Variants in ANK2 observed in about 807,000 individuals in gnomAD.
ANK2 encodes the protein ankyrin 2, also known as ankyrin-2.
ANK2 carries 83 observed loss-of-function variants against 360.5 expected under a neutral mutation model. That is an observed-to-expected ratio of 0.23 (90% CI 0.19 to 0.28). The LOEUF (loss-of-function observed/expected upper bound fraction) is 0.28. Ranked by LOEUF, ANK2 falls within the 10% of genes least tolerant of loss-of-function variation. ANK2 has a pLI of 1.00. For missense variants in ANK2, 4,201 were observed against 4,795.7 expected, an observed-to-expected ratio of 0.88 and a Z score of 3.66; for synonymous variants, 1,740 against 1,759.5, an observed-to-expected ratio of 0.99 and a Z score of 0.28.
At chr4:113,085,748 G>T (rs556463099) in intron 1 of ANK2, among the ~76,000 whole-genome samples, 1 of 152,280 alleles carries the variant, frequency 6.6e-6, no homozygotes, top group African/African-American at 2.4e-5. Context: ...AACCTGGCTG[G>T]GAACACATGC....
intron 1 of ANK2, among the ~76,000 whole-genome samples, chr4:112,858,603 C>T (rs943165043): frequency 4.6e-5 from 7 of 152,268 alleles, no homozygotes; most frequent in African/African-American, 1.4e-4. Flanking sequence ...TCTTCGCATT[C>T]TTAGTTCATG....
intron 4 of ANK2, chr4:113,214,478 C>A: frequency 1.5e-6 from 1 of 655,034 alleles, no homozygotes; most frequent in East Asian, 2.9e-5. Flanking sequence ...CTGGAAAAAT[C>A]TACAAATCAA....
At chr4:113,221,584 G>A (rs767458765) in intron 4 of ANK2, among the ~76,000 whole-genome samples, 2 of 151,850 alleles carry the variant, frequency 1.3e-5, no homozygotes, top group East Asian at 1.9e-4. Context: ...GCTTGAACCC[G>A]GGAGGCGGAG....
At chr4:113,069,406 A>G (rs1554091132) in intron 1 of ANK2, among the ~76,000 whole-genome samples, 1 of 152,234 alleles carries the variant, frequency 6.6e-6, no homozygotes, top group Non-Finnish European at 1.5e-5. Context: ...ACAGTGTGCA[A>G]TAGCAACCCT....
At chr4:113,039,815 T>C (rs1156836412) in intron 2 of ANK2, among the ~76,000 whole-genome samples, 1 of 152,012 alleles carries the variant, frequency 6.6e-6, no homozygotes, top group Non-Finnish European at 1.5e-5. Context: ...GGATTCTTTG[T>C]CTTCTTGTAA....
intron 4 of ANK2, among the ~76,000 whole-genome samples, chr4:113,219,277 C>T (rs1159131095): frequency 1.3e-5 from 2 of 151,972 alleles, no homozygotes; most frequent in Non-Finnish European, 2.9e-5. Flanking sequence ...TATTTATTAA[C>T]TTTACACTAA....
chr4:113,282,696 A>G lies in ANK2; in HGVS notation c.1903A>G (p.Ile635Val). The G allele has an allele frequency of 1.2e-6, 2 of 1,613,300 alleles. No homozygotes were observed. The highest frequency in any genetic ancestry group is 1.7e-4 in the Middle Eastern group (1 of 6,060). The change falls in exon 18 of 46, where the codon ATT becomes GTT. Residue 635 changes from isoleucine (I) to valine (V), a missense_variant. Ile to Val is a conservative substitution (Grantham distance 29). Around this residue, in one of 4 missense-constraint regions of ANK2, gnomAD observed 1,268 missense variants for 1,650.8 expected, o/e 0.77. Coordinates refer to ENST00000357077, the MANE Select transcript of ANK2 (RefSeq NM_001148.6). ...TAKNGYTPLH[I>V]AAKKNQMQIA... ...TTAGAATGGCTATACTCCGTTACAT[A>G]TTGCTGCCAAGAAGAATCAAATGCA...
chr4:112,929,837 G>T (rs191627375), intron 2 of ANK2, among the ~76,000 whole-genome samples: 20 of 152,258 alleles, frequency 1.3e-4, no homozygotes, highest in African/African-American at 2.2e-4. Flanking sequence ...ATGAGGACAG[G>T]CATGGTGACT....
intron 20 of ANK2, among the ~76,000 whole-genome samples, chr4:113,290,492 G>A (rs1248895542): frequency 6.6e-6 from 1 of 152,098 alleles, no homozygotes; most frequent in African/African-American, 2.4e-5. Flanking sequence ...CTTAAAATTA[G>A]AATGAAACCC....
chr4:112,958,807 A>T (rs1390915768), intron 2 of ANK2, among the ~76,000 whole-genome samples: 1 of 152,078 alleles, frequency 6.6e-6, no homozygotes, highest in Non-Finnish European at 1.5e-5. Flanking sequence ...TTGAAATTTG[A>T]AATCTTAAAA....
chr4:113,143,458 C>T (rs1030336019), intron 1 of ANK2, among the ~76,000 whole-genome samples: 2 of 152,106 alleles, frequency 1.3e-5, no homozygotes, highest in Non-Finnish European at 2.9e-5. Context: ...AGTTTCAGAC[C>T]TCAGCTCCAG....
rs185454377 is a variant in ANK2 at position 112,832,347 on chromosome 4, C to T, written c.-40+14083C>T. Among the ~76,000 whole-genome samples the T allele has an allele frequency of 9.7e-4, 148 of 152,310 alleles. 3 individuals carry two copies. The highest frequency in any genetic ancestry group is 1.9e-3 in the East Asian group (10 of 5,182). On this transcript the variant is annotated intron_variant, in intron 1 of 30. Coordinates refer to the ANK2 transcript ENST00000503271. ...TCATTACAGGCATGAGCCACAGTAC[C>T]GGGCCTGTAGGGTGTAATTTACTTA...
chr4:113,098,427 CACA>C (rs1022172277), intron 1 of ANK2, among the ~76,000 whole-genome samples: 1 of 151,652 alleles, frequency 6.6e-6, no homozygotes, highest in African/African-American at 2.4e-5. Context: ...AAATATTATG[CACA>C]ACAACTAAGA....
intron 2 of ANK2, among the ~76,000 whole-genome samples, chr4:113,019,979 A>G (rs908182288): frequency 6.6e-6 from 1 of 152,190 alleles, no homozygotes; most frequent in Non-Finnish European, 1.5e-5. Context: ...TGAAAGATAC[A>G]TAGGTCTTGC....
chr4:113,353,072 C>T lies in ANK2; in HGVS notation c.4454C>T (p.Ser1485Phe). Residue 1485 changes from serine to phenylalanine, a missense_variant, in exon 38 of 46, where the codon TCT (serine) becomes TTT (phenylalanine). Around this residue, in one of 4 missense-constraint regions of ANK2, gnomAD observed 1,268 missense variants for 1,650.8 expected, o/e 0.77. Transcript: ENST00000357077. ...GATGAGACAGAATCTACAGAAACATCTGTCCTGAAAAGTCACCTGGTTAAT... is the reference window on the plus strand; with the variant it reads ...GATGAGACAGAATCTACAGAAACATTTGTCCTGAAAAGTCACCTGGTTAAT... ...KNDETESTET[S>F]VLKSHLVNEV... The T allele has an allele frequency of 6.2e-7, 1 of 1,613,812 alleles. No individual in the cohort carries two copies. The highest frequency in any genetic ancestry group is 8.5e-7 in the Non-Finnish European group (1 of 1,179,776).
At chr4:112,976,351 G>T (rs959556991) in intron 2 of ANK2, among the ~76,000 whole-genome samples, 1 of 152,132 alleles carries the variant, frequency 6.6e-6, no homozygotes, top group South Asian at 2.1e-4. Flanking sequence ...ACACTACCAC[G>T]ACAGGCTAAT....
At chr4:113,282,930 C>A (rs2062957986) in intron 18 of ANK2, 58 bp downstream of exon 18, 2 of 1,564,416 alleles carry the variant, frequency 1.3e-6, no homozygotes, top group South Asian at 1.1e-5. Flanking sequence ...AAACAGGAAC[C>A]AATCGCAGAC....
At chr4:113,315,247 T>A (rs1424120168) in intron 24 of ANK2, among the ~76,000 whole-genome samples, 1 of 152,228 alleles carries the variant, frequency 6.6e-6, no homozygotes, top group Admixed American at 6.5e-5. Flanking sequence ...GCGACTTTAC[T>A]TTCATAGCCC....
At chr4:113,130,775 C>T (rs998954224) in intron 1 of ANK2, among the ~76,000 whole-genome samples, 1 of 152,132 alleles carries the variant, frequency 6.6e-6, no homozygotes. Flanking sequence ...TTCTAAATAT[C>T]CAACACTATT....
Sources: allele counts gnomAD v4.1 joint callset (sites outside exome capture counted in the v4.1 genomes callset), GRCh38; gene constraint gnomAD v4.1.1; regional missense constraint gnomAD v4.1.1; transcripts MANE v1.5; gene names NCBI Gene and HGNC (gene_info 2026-07-23, HGNC 2026-07-21).